The following HIVEP3 variants were observed in gnomAD, a reference collection of about 807,000 sequenced individuals.
HIVEP3 encodes the protein HIVEP zinc finger 3, also known as transcription factor HIVEP3.
A neutral mutation model predicts 152.8 loss-of-function variants in HIVEP3; 49 were observed. The ratio of observed to expected loss-of-function variants is 0.32; its 90% confidence interval spans 0.26 to 0.41. HIVEP3 has a LOEUF of 0.41. Among genes scored for constraint, HIVEP3 ranks in the 10% least tolerant of loss-of-function variants. The pLI is 1.00. For synonymous variants in HIVEP3, 1,269 were observed against 1,289.0 expected, an observed-to-expected ratio of 0.98 and a Z score of 0.33; for missense variants, 2,790 against 3,103.3, an observed-to-expected ratio of 0.90 and a Z score of 2.40.
At chr1:41,715,700 C>T (rs1211858192) in intron 1 of HIVEP3, among the ~76,000 whole-genome samples, 8 of 152,214 alleles carry the variant, frequency 5.3e-5, no homozygotes, top group Admixed American at 5.2e-4. Context: ...TGACCTCAAG[C>T]CAGGCCCTCA....
chr1:41,965,339 T>C (rs551074396), intron 1 of HIVEP3, among the ~76,000 whole-genome samples: 6 of 152,150 alleles, frequency 3.9e-5, no homozygotes, highest in Middle Eastern at 3.4e-3. Flanking sequence ...AAAGCCAGAG[T>C]GCCTCTTCTC....
rs563203591 is a variant in HIVEP3, at chr1:41,775,552, G to A, written c.-800-74557C>T. Among the ~76,000 whole-genome samples the A allele has an allele frequency of 1.3e-4, 20 of 152,110 alleles. No individual in the cohort carries two copies. The Middle Eastern group carries it at 0.01, about 78-fold the overall frequency. Reference sequence around the variant, plus strand: ...GTCGCCCAGGCTGGAGTGCAGTGGCGCGATCTCGGCTCACTGCAACCTCCA... The same window carrying A: ...GTCGCCCAGGCTGGAGTGCAGTGGCACGATCTCGGCTCACTGCAACCTCCA... On this transcript the variant is annotated intron_variant, in intron 1 of 8. Coordinates refer to ENST00000372583, the MANE Select transcript of HIVEP3 (RefSeq NM_024503.5).
intron 2 of HIVEP3, among the ~76,000 whole-genome samples, chr1:41,646,298 A>G (rs1570207815): frequency 6.6e-6 from 1 of 152,232 alleles, no homozygotes; most frequent in East Asian, 1.9e-4. Flanking sequence ...ACCAAGTGTC[A>G]GGGCCAGGGG....
At chr1:41,547,075 C>T (rs1643821884) in intron 5 of HIVEP3, among the ~76,000 whole-genome samples, 1 of 152,078 alleles carries the variant, frequency 6.6e-6, no homozygotes, top group Admixed American at 6.5e-5. Context: ...GAGAGCTGTC[C>T]CTATTCTGCA....
intron 1 of HIVEP3, among the ~76,000 whole-genome samples, chr1:41,831,832 T>C (rs1642973839): frequency 6.6e-6 from 1 of 152,200 alleles, no homozygotes; most frequent in Non-Finnish European, 1.5e-5. Flanking sequence ...TCTTAACATC[T>C]GTCTCATTTA....
intron 1 of HIVEP3, among the ~76,000 whole-genome samples, chr1:41,822,027 A>G (rs1642620084): frequency 6.6e-6 from 1 of 152,084 alleles, no homozygotes; most frequent in Admixed American, 6.5e-5. Flanking sequence ...TCATCCTTTT[A>G]TTGCTCCCAA....
At chr1:41,937,477 A>C (rs1280747862) in intron 1 of HIVEP3, among the ~76,000 whole-genome samples, 1 of 152,208 alleles carries the variant, frequency 6.6e-6, no homozygotes, top group Non-Finnish European at 1.5e-5. Flanking sequence ...ACTATCCAAA[A>C]TGGTAGCCAC....
chr1:41,713,657 T>C (rs1190637640), intron 1 of HIVEP3, among the ~76,000 whole-genome samples: 16 of 152,224 alleles, frequency 1.1e-4, no homozygotes, highest in Admixed American at 9.8e-4. Flanking sequence ...CTACAGTTCT[T>C]CCCACAACAT....
chr1:41,642,805 A>G (rs939682072), intron 2 of HIVEP3, among the ~76,000 whole-genome samples: 2 of 152,162 alleles, frequency 1.3e-5, no homozygotes, highest in Non-Finnish European at 2.9e-5. Flanking sequence ...CAGTGTCCAC[A>G]TGATCCTCTC....
chr1:41,779,222 A>T (rs1463261143), intron 1 of HIVEP3, among the ~76,000 whole-genome samples: 1 of 151,796 alleles, frequency 6.6e-6, no homozygotes, highest in Admixed American at 6.6e-5. Context: ...CTCTCCTTGC[A>T]CCAATGAGAG....
intron 1 of HIVEP3, among the ~76,000 whole-genome samples, chr1:42,025,361 C>A (rs181883971): frequency 6.6e-6 from 1 of 152,150 alleles, no homozygotes; most frequent in African/African-American, 2.4e-5. Context: ...TTCTGTTTAA[C>A]CTTCTTAAAA....
intron 3 of HIVEP3, among the ~76,000 whole-genome samples, chr1:41,612,094 C>T (rs538495857): frequency 1.3e-5 from 2 of 152,172 alleles, no homozygotes; most frequent in Admixed American, 1.3e-4. Flanking sequence ...CTCCCACTCC[C>T]ACCCACCTGT....
chr1:41,723,478 A>G (rs1168542293), intron 1 of HIVEP3, among the ~76,000 whole-genome samples: 1 of 134,940 alleles, frequency 7.4e-6, no homozygotes, highest in African/African-American at 3.4e-5. Context: ...CCATAAAATC[A>G]TACACACACA....
intron 3 of HIVEP3, among the ~76,000 whole-genome samples, chr1:41,609,290 C>T (rs1644865022): frequency 6.6e-6 from 1 of 152,212 alleles, no homozygotes; most frequent in Non-Finnish European, 1.5e-5. Context: ...TTCTGATGTT[C>T]CTGAACCTGG....
At chr1:41,713,558 C>T (rs1373616961) in intron 1 of HIVEP3, among the ~76,000 whole-genome samples, 2 of 152,212 alleles carry the variant, frequency 1.3e-5, no homozygotes, top group Non-Finnish European at 2.9e-5. Flanking sequence ...CCCCAAGGTT[C>T]TGCAAAATTA....
At chr1:41,516,470 C>T (rs1345840885) in intron 7 of HIVEP3, among the ~76,000 whole-genome samples, 1 of 152,196 alleles carries the variant, frequency 6.6e-6, no homozygotes, top group Non-Finnish European at 1.5e-5. Flanking sequence ...CTCCATGGCT[C>T]CTTTTCGTTC....
At chr1:41,816,882 G>A (rs754032520) in intron 1 of HIVEP3, among the ~76,000 whole-genome samples, 92 of 152,078 alleles carry the variant, frequency 6.0e-4, no homozygotes, top group Non-Finnish European at 1.1e-3. Context: ...TGGAAAACTC[G>A]TCCCCACCCT....
At chr1:41,636,451 AT>A (rs1645275251) in intron 2 of HIVEP3, among the ~76,000 whole-genome samples, 1 of 152,244 alleles carries the variant, frequency 6.6e-6, no homozygotes, top group African/African-American at 2.4e-5. Context: ...AATGGAAAAG[AT>A]TAATAAATCT....
intron 1 of HIVEP3, among the ~76,000 whole-genome samples, chr1:41,975,935 C>T (rs868806083): frequency 5.3e-5 from 8 of 152,174 alleles, no homozygotes; most frequent in Middle Eastern, 3.2e-3. Flanking sequence ...TGTTGGCTCA[C>T]GAGTAGAAGA....
Sources: gnomAD v4.1 joint callset for allele counts (sites outside exome capture counted in the v4.1 genomes callset) on GRCh38, gnomAD v4.1.1 for gene constraint, MANE v1.5 for transcripts, NCBI Gene and HGNC (gene_info 2026-07-23, HGNC 2026-07-21) for gene names.